Variants in DOCK11 observed in about 807,000 individuals in gnomAD.
The protein encoded by DOCK11 is dedicator of cytokinesis protein 11.
A neutral mutation model predicts 169.1 loss-of-function variants in DOCK11; 70 were observed. The observed-to-expected ratio is 0.41, with a 90% confidence interval of 0.34 to 0.51. The LOEUF (loss-of-function observed/expected upper bound fraction) is 0.51. Ranked by LOEUF, DOCK11 falls within the 20% of genes least tolerant of loss-of-function variation. The pLI, the probability that DOCK11 is intolerant of heterozygous loss-of-function variation, is 0.10. For synonymous variants in DOCK11, 529 were observed against 541.3 expected, an observed-to-expected ratio of 0.98 and a Z score of 0.32; for missense variants, 1,166 against 1,538.8, an observed-to-expected ratio of 0.76 and a Z score of 4.05.
rs150887866 is a variant in DOCK11 at position 118,581,433 on chromosome X, A to C, written c.1595+1254A>C. Among the ~76,000 whole-genome samples, 29 of 111,344 alleles carry C rather than the reference A, an allele frequency of 2.6e-4. No homozygotes were observed. In the East Asian group the frequency reaches 7.6e-3, roughly 29 times the overall value. ...CATTATAGAAGGTGAAGTATGGCTT[A>C]TAAATATCAGCATATTTTTAATGCT... On this transcript the variant is annotated intron_variant, in intron 14 of 52. Coordinates refer to ENST00000276202, the MANE Select transcript of DOCK11 (RefSeq NM_144658.4).
At chrX:118,538,242 G>A (rs1366740065) in intron 1 of DOCK11, among the ~76,000 whole-genome samples, 1 of 111,728 alleles carries the variant, frequency 9.0e-6, no homozygotes, top group African/African-American at 3.2e-5. Context: ...GGGAGACCTG[G>A]GTTTGAATCC....
chrX:118,675,174 G>A (rs2016579865), intron 46 of DOCK11, among the ~76,000 whole-genome samples: 1 of 111,937 alleles, frequency 8.9e-6, no homozygotes, highest in South Asian at 3.7e-4. Context: ...TCTTTTTCTG[G>A]AAGTGCGGAA....
At chrX:118,576,912 G>A (rs1053457692) in intron 12 of DOCK11, among the ~76,000 whole-genome samples, 2 of 111,843 alleles carry the variant, frequency 1.8e-5, no homozygotes, top group African/African-American at 6.5e-5. Flanking sequence ...TTACAGGCAC[G>A]AGCCACCACA....
intron 42 of DOCK11, among the ~76,000 whole-genome samples, chrX:118,654,270 A>C (rs932878835): frequency 8.9e-6 from 1 of 112,053 alleles, no homozygotes; most frequent in Middle Eastern, 4.2e-3. Context: ...ATTAGTTTTT[A>C]GTTACTGTTA....
intron 13 of DOCK11, among the ~76,000 whole-genome samples, chrX:118,579,764 G>A (rs2013565951): frequency 8.9e-6 from 1 of 111,867 alleles, no homozygotes; most frequent in Admixed American, 9.5e-5. Flanking sequence ...AGAATGATGA[G>A]CATTTGCCTG....
chrX:118,496,134 AG>A, intron 1 of DOCK11, 61 bp downstream of exon 1: 1 of 819,848 alleles, frequency 1.2e-6, no homozygotes, highest in Non-Finnish European at 1.5e-6. Flanking sequence ...CGACGCGGGA[AG>A]GGGCAGGAAC....
intron 1 of DOCK11, among the ~76,000 whole-genome samples, chrX:118,516,943 T>C (rs2057693971): frequency 8.9e-6 from 1 of 112,028 alleles, no homozygotes; most frequent in Non-Finnish European, 1.9e-5. Context: ...AAATTAGACA[T>C]TGAAGCACGA....
intron 1 of DOCK11, among the ~76,000 whole-genome samples, chrX:118,521,847 T>TA (rs1381768211): frequency 1.8e-5 from 2 of 112,145 alleles, no homozygotes; most frequent in African/African-American, 6.5e-5. Context: ...AACATATCAA[T>TA]AAGTGTGTTT....
intron 44 of DOCK11, among the ~76,000 whole-genome samples, chrX:118,661,357 T>TA (rs1214392469): frequency 1.8e-5 from 2 of 111,734 alleles, no homozygotes; most frequent in Non-Finnish European, 3.8e-5. Flanking sequence ...ACATGTCTAG[T>TA]GATTAGGTTT....
intron 16 of DOCK11, among the ~76,000 whole-genome samples, chrX:118,586,774 G>A (rs1603091895): frequency 8.9e-6 from 1 of 111,852 alleles, no homozygotes; most frequent in African/African-American, 3.2e-5. Context: ...AGACCAAGCT[G>A]GGTTTGCATG....
chrX:118,619,081 A>G (rs1287257612), intron 31 of DOCK11, among the ~76,000 whole-genome samples: 1 of 105,821 alleles, frequency 9.4e-6, no homozygotes, highest in African/African-American at 3.4e-5. Flanking sequence ...CTGGTCTCGA[A>G]CTCCTGGCCT....
Position 118,671,161 on chromosome X carries a change from A to G in DOCK11, c.5199+16A>G, listed in dbSNP as rs2016461327. On this transcript the variant is annotated intron_variant, in intron 46 of 52. Coordinates refer to ENST00000276202, the MANE Select transcript of DOCK11 (RefSeq NM_144658.4). ...TGAGTTTGAGGTAGGCAATTTGAACATTTTTATCATTGACTTATGTATTTT... is the reference window on the plus strand; with the variant it reads ...TGAGTTTGAGGTAGGCAATTTGAACGTTTTTATCATTGACTTATGTATTTT... The G allele has an allele frequency of 2.5e-6, 3 of 1,193,029 alleles. No individual in the cohort carries two copies. The highest frequency in any genetic ancestry group is 3.0e-5 in the East Asian group (1 of 33,566).
intron 1 of DOCK11, among the ~76,000 whole-genome samples, chrX:118,528,873 A>G (rs977873070): frequency 3.6e-5 from 4 of 110,180 alleles, no homozygotes; most frequent in Non-Finnish European, 7.6e-5. Flanking sequence ...GTTTAGGAGG[A>G]AGTTTGACAA....
chrX:118,650,616 T>C (rs2015923367), intron 41 of DOCK11, among the ~76,000 whole-genome samples: 1 of 111,968 alleles, frequency 8.9e-6, no homozygotes, highest in African/African-American at 3.2e-5. Context: ...TCAGCCATCA[T>C]TACACATTAG....
intron 6 of DOCK11, among the ~76,000 whole-genome samples, chrX:118,550,713 A>G (rs2012463252): frequency 1.8e-5 from 2 of 111,490 alleles, no homozygotes; most frequent in Non-Finnish European, 3.8e-5. Flanking sequence ...GTGGGGGATC[A>G]TATAAGTTCT....
chrX:118,558,699 G>C (rs966599239), intron 6 of DOCK11, among the ~76,000 whole-genome samples: 2 of 112,255 alleles, frequency 1.8e-5, no homozygotes, highest in African/African-American at 6.5e-5. Context: ...TTGTTGGGCA[G>C]AGTCTGATTT....
At chrX:118,570,451 G>A (rs1406741678) in intron 10 of DOCK11, among the ~76,000 whole-genome samples, 1 of 112,239 alleles carries the variant, frequency 8.9e-6, no homozygotes, top group African/African-American at 3.2e-5. Context: ...ATGGATATGT[G>A]TTCAAGAGGG....
At chrX:118,510,600 G>A (rs2057644352) in intron 1 of DOCK11, among the ~76,000 whole-genome samples, 2 of 111,386 alleles carry the variant, frequency 1.8e-5, no homozygotes, top group Admixed American at 1.9e-4. Context: ...GTGTGGGTGT[G>A]TGGATGTATG....
intron 40 of DOCK11, among the ~76,000 whole-genome samples, chrX:118,647,137 ATATGTGTGTGTG>A (rs1420040823): frequency 1.5e-5 from 1 of 68,790 alleles, no homozygotes; most frequent in African/African-American, 5.9e-5. Context: ...TGTGAAGAGG[ATATGTGTGTGTG>A]TGTGTGTGTG....
Sources: gnomAD v4.1 joint callset for allele counts (sites outside exome capture counted in the v4.1 genomes callset) on GRCh38, gnomAD v4.1.1 for gene constraint, MANE v1.5 for transcripts, NCBI Gene and HGNC (gene_info 2026-07-23, HGNC 2026-07-21) for gene names.